The following NALCN variants were observed in gnomAD, a reference collection of about 807,000 sequenced individuals.
The protein encoded by NALCN is sodium leak channel NALCN.
A neutral mutation model predicts 225.3 loss-of-function variants in NALCN; 111 were observed. The observed-to-expected ratio is 0.49, with a 90% CI of 0.42 to 0.58. The LOEUF is 0.58. NALCN is among the 20% of genes least tolerant of loss of function. NALCN has a pLI of 0.00. For synonymous variants in NALCN, 764 were observed against 769.0 expected (o/e 0.99, Z 0.11); for missense variants, 1,378 against 2,202.4 (o/e 0.63, Z 7.49).
chr13:101,201,654 CT>C (rs942063495), intron 13 of NALCN, among the ~76,000 whole-genome samples: 38 of 150,980 alleles, frequency 2.5e-4, no homozygotes, highest in South Asian at 1.1e-3. Flanking sequence ...TTACTTCTGA[CT>C]TTTTTTTTAC....
At chr13:101,381,889 T>C (rs1302834834) in intron 3 of NALCN, among the ~76,000 whole-genome samples, 2 of 152,154 alleles carry the variant, frequency 1.3e-5, no homozygotes, top group African/African-American at 4.8e-5. Context: ...CATCTTTATT[T>C]TAAGAACTAG....
intron 12 of NALCN, among the ~76,000 whole-genome samples, chr13:101,236,154 A>G (rs2041545659): frequency 6.6e-6 from 1 of 152,214 alleles, no homozygotes; most frequent in Non-Finnish European, 1.5e-5. Flanking sequence ...CAAAAAACAC[A>G]TGGAAAAATG....
chr13:101,253,575 C>T (rs2042125133), intron 11 of NALCN, among the ~76,000 whole-genome samples: 1 of 151,936 alleles, frequency 6.6e-6, no homozygotes, highest in Admixed American at 6.6e-5. Context: ...ACATAATGGG[C>T]CCCCCAAAAA....
chr13:101,326,097 T>C (rs558854252), intron 7 of NALCN, among the ~76,000 whole-genome samples: 1 of 152,350 alleles, frequency 6.6e-6, no homozygotes, highest in Admixed American at 6.5e-5. Context: ...CTTCTTGAAA[T>C]CTAGCACTAT....
At position 101,054,876 on chromosome 13, in the gene NALCN, G is replaced by GGAAAT. The variant is rs2031018809; in HGVS notation, c.*414_*418dup. On this transcript the variant is annotated 3_prime_UTR_variant, in exon 44 of 44. Coordinates refer to ENST00000251127, the MANE Select transcript of NALCN (RefSeq NM_052867.4). ...TTCTCTCAAGAGAAATATTTCTAGT[G>GGAAAT]GAAATGGGAAAGATGTGAACTAAAG... 1 of 157,102 alleles carries GGAAAT rather than the reference G, an allele frequency of 6.4e-6. No individual in the cohort carries two copies. The highest frequency in any genetic ancestry group is 6.5e-5 in the Admixed American group (1 of 15,420). The allele number at this position is 157,102 out of a possible 1,614,324, so 9.7% of individuals were successfully genotyped here.
chr13:101,208,757 T>G lies in NALCN; in HGVS notation c.1627-16703A>C, dbSNP rs181417973. Among the ~76,000 whole-genome samples the G allele has an allele frequency of 2.6e-5, 4 of 152,168 alleles. No individual in the cohort carries two copies. In the East Asian group the frequency reaches 7.8e-4, roughly 30 times the overall value. On this transcript the variant is annotated intron_variant, in intron 13 of 43. Coordinates refer to ENST00000251127, the MANE Select transcript of NALCN (RefSeq NM_052867.4). ...CAGGAGATCTGGTTGTTTGAAAGAG[T>G]TGGCGCCTCCTCTCTCTTTTGTTTC...
intron 17 of NALCN, among the ~76,000 whole-genome samples, chr13:101,130,892 A>G (rs1425982508): frequency 1.3e-5 from 2 of 152,098 alleles, no homozygotes; most frequent in African/African-American, 4.8e-5. Context: ...TATGTTTCAG[A>G]AAAGTTTAGT....
chr13:101,382,624 T>G (rs1413355779), intron 3 of NALCN, among the ~76,000 whole-genome samples: 1 of 152,178 alleles, frequency 6.6e-6, no homozygotes, highest in African/African-American at 2.4e-5. Flanking sequence ...TCAAACTATA[T>G]AAAATAATGA....
intron 6 of NALCN, among the ~76,000 whole-genome samples, chr13:101,351,337 GTT>G (rs554498604): frequency 1.3e-5 from 2 of 152,128 alleles, no homozygotes; most frequent in East Asian, 3.9e-4. Context: ...GCAGCTAATT[GTT>G]TTTTTAAAAG....
intron 6 of NALCN, among the ~76,000 whole-genome samples, chr13:101,356,956 T>C (rs888893021): frequency 6.6e-6 from 1 of 152,182 alleles, no homozygotes; most frequent in Non-Finnish European, 1.5e-5. Context: ...TCTCAATAGA[T>C]GCAGAAAAGG....
At chr13:101,081,730 A>G in intron 33 of NALCN, 84 bp from the exon 34 acceptor site, 1 of 1,502,826 alleles carries the variant, frequency 6.7e-7, no homozygotes, top group South Asian at 1.3e-5. Flanking sequence ...CATTATGTGT[A>G]TGTATTTTTT....
chr13:101,207,696 G>A (rs1051905119), intron 13 of NALCN, among the ~76,000 whole-genome samples: 5 of 149,948 alleles, frequency 3.3e-5, no homozygotes, highest in African/African-American at 1.3e-4. Flanking sequence ...TCAGCACTCT[G>A]TAAAATGGAC....
intron 9 of NALCN, among the ~76,000 whole-genome samples, chr13:101,287,835 A>G (rs2043396095): frequency 6.6e-6 from 1 of 152,196 alleles, no homozygotes. Context: ...TATAGGCATA[A>G]TATCATCATC....
intron 7 of NALCN, among the ~76,000 whole-genome samples, chr13:101,315,705 A>C (rs2044528842): frequency 6.6e-6 from 1 of 152,168 alleles, no homozygotes; most frequent in Admixed American, 6.5e-5. Flanking sequence ...GATTAATATC[A>C]AGTAATCATT....
intron 18 of NALCN, among the ~76,000 whole-genome samples, chr13:101,111,575 G>A (rs531945204): frequency 6.6e-6 from 1 of 152,224 alleles, no homozygotes; most frequent in Admixed American, 6.5e-5. Flanking sequence ...GTTTGGCTTT[G>A]TCCCCACCCA....
At chr13:101,254,823 G>A (rs1203297019) in intron 11 of NALCN, among the ~76,000 whole-genome samples, 1 of 73,604 alleles carries the variant, frequency 1.4e-5, no homozygotes, top group African/African-American at 3.9e-5. Flanking sequence ...CCCGGGAGGC[G>A]GAGCTTGCAG....
chr13:101,120,520 T>C (rs1290923136), intron 18 of NALCN, among the ~76,000 whole-genome samples: 3 of 139,074 alleles, frequency 2.2e-5, no homozygotes, highest in African/African-American at 5.1e-5. Context: ...ATGCCAAACT[T>C]AAAAAAAAAA....
chr13:101,134,337 G>C (rs955837890), intron 17 of NALCN, among the ~76,000 whole-genome samples: 3 of 152,098 alleles, frequency 2.0e-5, no homozygotes, highest in African/African-American at 7.2e-5. Flanking sequence ...TCTTCCTTTG[G>C]ACTCCTAGGC....
intron 7 of NALCN, among the ~76,000 whole-genome samples, chr13:101,344,731 G>A (rs1230465546): frequency 6.6e-6 from 1 of 152,146 alleles, no homozygotes; most frequent in East Asian, 1.9e-4. Flanking sequence ...GTACACATTT[G>A]AGCACATAGT....
Sources: allele counts gnomAD v4.1 joint callset (sites outside exome capture counted in the v4.1 genomes callset), GRCh38; gene constraint gnomAD v4.1.1; transcripts MANE v1.5; gene names NCBI Gene and HGNC (gene_info 2026-07-23, HGNC 2026-07-21).